Variants in PASK observed in about 807,000 individuals in gnomAD.
The protein encoded by PASK is PAS domain containing serine/threonine kinase.
A neutral mutation model predicts 121.0 loss-of-function variants in PASK; 110 were observed. That is an observed-to-expected ratio of 0.91 (90% CI 0.78 to 1.06). PASK has a LOEUF of 1.06. PASK is among the 50% of genes least tolerant of loss of function. PASK has a pLI of 0.00. For synonymous variants in PASK, 686 were observed against 717.8 expected, an observed-to-expected ratio of 0.96 and a Z score of 0.71; for missense variants, 1,643 against 1,702.3, an observed-to-expected ratio of 0.97 and a Z score of 0.61.
In PASK at chr2:241,122,915, AG is replaced by A; in HGVS notation, c.2905-17del. 6.2e-7 allele frequency: 1 copy of A among 1,613,186 alleles called. No individual in the cohort carries two copies. Among genetic ancestry groups the A allele is most frequent in the Non-Finnish European group, 8.5e-7 (1 of 1,179,370 alleles). ...CTCTGAGCACCTGCAATGCAGAAGAAGGTCTGTGGGGTCACATGCAACTGCA... is the reference window on the plus strand; with the variant it reads ...CTCTGAGCACCTGCAATGCAGAAGAAGTCTGTGGGGTCACATGCAACTGCA... On this transcript the variant is annotated splice_polypyrimidine_tract_variant and intron_variant, in intron 11 of 17. Coordinates refer to ENST00000234040, the MANE Select transcript of PASK (RefSeq NM_015148.4).
At chr2:241,129,115 G>C (rs1179301006) in intron 9 of PASK, among the ~76,000 whole-genome samples, 1 of 152,046 alleles carries the variant, frequency 6.6e-6, no homozygotes, top group Non-Finnish European at 1.5e-5. Flanking sequence ...CCATGCAAAT[G>C]CTAGGAAACT....
At chr2:241,149,578 A>C, upstream of PASK, 1 of 1,416,972 alleles carries the variant, frequency 7.1e-7, no homozygotes, top group South Asian at 1.2e-5. Context: ...AGAGTCTAGA[A>C]GCCCGCGCTA....
At chr2:241,111,763 G>C (rs2065121938) in intron 15 of PASK, among the ~76,000 whole-genome samples, 1 of 152,190 alleles carries the variant, frequency 6.6e-6, no homozygotes, top group Non-Finnish European at 1.5e-5. Context: ...CATGGAGTCT[G>C]GCTGGTCAGC....
intron 10 of PASK, 49 bp downstream of exon 10, chr2:241,126,147 A>ACTGTGCT: frequency 1.3e-6 from 2 of 1,550,256 alleles, no homozygotes; most frequent in Non-Finnish European, 1.8e-6. Context: ...CCCCCACTGC[A>ACTGTGCT]CTGTGCTCTG....
At position 241,142,943 on chromosome 2, in the gene PASK, A is replaced by C. The variant is rs756994968; in HGVS notation, c.90T>G (p.Ala30=). ...TGCTGGGCTCAGCAGTGGTCTGTGC[A>C]GCTGGGCCCTCTGCTGACACTGGCA... The part of the protein sequence containing the change: ...LPLPVSAEGP[A]AQTTAEPSRS... Residue 30 remains alanine, a synonymous_variant, in exon 2 of 18, where the codon GCT becomes GCG. Transcript: ENST00000234040. 1 of 1,613,622 alleles carries C rather than the reference A, an allele frequency of 6.2e-7. No individual in the cohort carries two copies. Among genetic ancestry groups the C allele is most frequent in the Admixed American group, 1.7e-5 (1 of 60,024 alleles).
intron 11 of PASK, among the ~76,000 whole-genome samples, chr2:241,123,352 T>A (rs1475531228): frequency 6.6e-6 from 1 of 151,416 alleles, no homozygotes; most frequent in Non-Finnish European, 1.5e-5. Context: ...AATTTTTGTA[T>A]TTTTTTTAGT....
upstream of PASK, chr2:241,149,728 C>G (rs984383977): frequency 5.8e-6 from 9 of 1,547,548 alleles, no homozygotes; most frequent in Non-Finnish European, 7.8e-6. Flanking sequence ...GCAGAGCTCG[C>G]CTCTTGGAGG....
chr2:241,106,746 G>T, intron 17 of PASK, 23 bp from the exon 18 acceptor site: 2 of 1,611,678 alleles, frequency 1.2e-6, no homozygotes, highest in Non-Finnish European at 1.7e-6. Flanking sequence ...GAAGGTAACT[G>T]TATCACGTGC....
chr2:241,126,412 G>T lies in PASK; in HGVS notation c.2503C>A (p.His835Asn). 1 of 1,614,230 alleles carries T rather than the reference G, an allele frequency of 6.2e-7. No individual in the cohort carries two copies. Reference protein sequence around the residue: ...PLEVCLVSSEHYAASDRESPG... With the variant: ...PLEVCLVSSENYAASDRESPG... ...CTTTCTCTGTCGCTTGCTGCATAAT[G>T]CTCAGAGGACACCAAACAAACCTCA... The change falls in exon 10 of 18, where the codon CAT (histidine) becomes AAT (asparagine). Residue 835 changes from histidine to asparagine, a missense_variant. His to Asn is a moderately conservative substitution (Grantham distance 68). This residue lies in a region of PASK where 1,176 missense variants were observed against 1,162.2 expected (regional missense o/e 1.01). Transcript: ENST00000234040.
intron 8 of PASK, chr2:241,133,456 C>T: frequency 3.3e-6 from 1 of 302,378 alleles, no homozygotes; most frequent in Non-Finnish European, 6.5e-6. Flanking sequence ...AATGCTGTAC[C>T]TGGGTATCTA....
In PASK at chr2:241,115,156, G is replaced by C. The variant is rs1202364145; in HGVS notation, c.3220C>G (p.Gln1074Glu). ...TCCATCACAAGCTGGAAGAACCCTT[G>C]GTTTTCAAATATATCCAATACCTAG... ...IIKVLDIFENQGFFQLVMEKH... is the reference protein window; with the variant it reads ...IIKVLDIFENEGFFQLVMEKH... The change falls in exon 14 of 18, where the codon CAA (glutamine) becomes GAA (glutamate). Residue 1074 changes from glutamine (Q) to glutamate (E), a missense_variant. By Grantham distance (29) the Gln-to-Glu change is conservative. Transcript: ENST00000234040. 1 of 1,614,028 alleles carries C rather than the reference G, an allele frequency of 6.2e-7. No individual in the cohort carries two copies. The highest frequency in any genetic ancestry group is 8.5e-7 in the Non-Finnish European group (1 of 1,179,958).
intron 10 of PASK, 80 bp from the exon 11 acceptor site, chr2:241,124,213 C>T: frequency 8.6e-7 from 1 of 1,169,288 alleles, no homozygotes; most frequent in South Asian, 1.3e-5. Flanking sequence ...AAGTCCAGTC[C>T]CCAGAATGCA....
rs2066403124 is a variant in PASK, at chr2:241,135,977, T to A, written c.1200A>T (p.Leu400Phe). 6.2e-7 allele frequency: 1 copy of A among 1,613,852 alleles called. No individual in the cohort carries two copies. Among genetic ancestry groups the A allele is most frequent in the African/African-American group, 1.3e-5 (1 of 75,032 alleles). The change falls in exon 8 of 18, where the codon TTA (leucine) becomes TTT (phenylalanine). Residue 400 changes from leucine (L) to phenylalanine (F), a missense_variant. Coordinates refer to ENST00000234040, the MANE Select transcript of PASK (RefSeq NM_015148.4). ...GGCAGCTGGCCAGGTCTGGGAGCTG[T>A]AATGAGCTGTTGTACGCAAGGTCCA... ...SYMDLAYNSS[L>F]QLPDLASCLD...
rs2065877450 is a variant in PASK, at chr2:241,126,609, G to A, written c.2306C>T (p.Thr769Ile). Residue 769 changes from threonine to isoleucine, a missense_variant, in exon 10 of 18, where the codon ACA (threonine) becomes ATA (isoleucine). Thr to Ile is a moderately conservative substitution (Grantham distance 89). Transcript: ENST00000234040. Reference protein sequence around the residue: ...CSCATSELRETPSSLAVGSDP... With the variant: ...CSCATSELREIPSSLAVGSDP... ...GGAGCCCACTGCCAAGGAAGAGGGT[G>A]TCTCTCTGAGTTCAGACGTAGCACA... 1.9e-6 allele frequency: 3 copies of A among 1,614,218 alleles called. No individual in the cohort carries two copies. The highest frequency in any genetic ancestry group is 1.3e-5 in the African/African-American group (1 of 75,070).
chr2:241,107,055 T>C (rs1020633595), intron 17 of PASK, among the ~76,000 whole-genome samples: 9 of 152,206 alleles, frequency 5.9e-5, no homozygotes, highest in African/African-American at 2.2e-4. Context: ...CATCACCAGC[T>C]GCATTCCTCA....
intron 15 of PASK, among the ~76,000 whole-genome samples, chr2:241,110,874 G>C (rs13417547): frequency 6.6e-6 from 1 of 152,046 alleles, no homozygotes; most frequent in African/African-American, 2.4e-5. Context: ...AACCCCCTTC[G>C]ATATTTCACG....
intron 9 of PASK, among the ~76,000 whole-genome samples, chr2:241,130,702 G>A (rs954685897): frequency 1.3e-4 from 20 of 152,146 alleles, no homozygotes; most frequent in African/African-American, 3.9e-4. Context: ...CACTCAACGC[G>A]GACCCACAGT....
In PASK at chr2:241,126,230, G is replaced by A. The variant is rs761326448; in HGVS notation, c.2685C>T (p.Ser895=). 1.7e-5 allele frequency: 27 copies of A among 1,613,930 alleles called. No homozygotes were observed. Among genetic ancestry groups the A allele is most frequent in the East Asian group, 6.7e-5 (3 of 44,896 alleles). Residue 895 remains serine, a synonymous_variant, in exon 10 of 18, where the codon TCC becomes TCT. Coordinates refer to ENST00000234040, the MANE Select transcript of PASK (RefSeq NM_015148.4). ...AGCCATCTCGATGGTAGCAGCTCCCGGAGTAGGCACCCTCCTGGATCTCCC... is the reference window on the plus strand; with the variant it reads ...AGCCATCTCGATGGTAGCAGCTCCCAGAGTAGGCACCCTCCTGGATCTCCC... ...LQREIQEGAY[S]GSCYHRDGLR...
In PASK at chr2:241,122,825, G is replaced by C; in HGVS notation, c.2979C>G (p.Gly993=). ...VELEGLAACE[G]EYSQKYSTMS... ...TGGTACTGTACTTTTGGGAGTACTC[G>C]CCCTCACAGGCCGCCAACCCCTCCA... Residue 993 remains glycine, a synonymous_variant, in exon 12 of 18, where the codon GGC becomes GGG. Coordinates refer to ENST00000234040, the MANE Select transcript of PASK (RefSeq NM_015148.4). 6.2e-7 allele frequency: 1 copy of C among 1,614,040 alleles called. No individual in the cohort carries two copies. The highest frequency in any genetic ancestry group is 8.5e-7 in the Non-Finnish European group (1 of 1,179,948).
Sources: allele counts gnomAD v4.1 joint callset (sites outside exome capture counted in the v4.1 genomes callset), GRCh38; gene constraint gnomAD v4.1.1; regional missense constraint gnomAD v4.1.1; transcripts MANE v1.5; gene names NCBI Gene and HGNC (gene_info 2026-07-23, HGNC 2026-07-21).